The following USP26 variants were observed in gnomAD, a reference collection of about 807,000 sequenced individuals.
USP26 encodes ubiquitin carboxyl-terminal hydrolase 26.
For synonymous variants in USP26, 236 were observed against 240.6 expected (o/e 0.98, Z 0.18); for missense variants, 649 against 642.3 (o/e 1.01, Z -0.11).
At chrX:133,065,033 G>A (rs778207291) in intron 5 of USP26, among the ~76,000 whole-genome samples, 4 of 111,548 alleles carry the variant, frequency 3.6e-5, no homozygotes, top group African/African-American at 6.5e-5. Flanking sequence ...AATAAAAAAC[G>A]ATAAAGGGGG....
At chrX:133,046,922 T>C (rs1602975616) in intron 5 of USP26, among the ~76,000 whole-genome samples, 1 of 112,107 alleles carries the variant, frequency 8.9e-6, no homozygotes, top group African/African-American at 3.2e-5. Context: ...TTTTATGTGA[T>C]GCTAATGGAG....
At position 133,025,944 on chromosome X, in the gene USP26, G is replaced by A. The variant is rs1269765215; in HGVS notation, c.2277C>T (p.Ser759=). 8.3e-7 allele frequency: 1 copy of A among 1,211,555 alleles called. No homozygotes were observed. The highest frequency in any genetic ancestry group is 1.1e-6 in the Non-Finnish European group (1 of 895,468). Residue 759 remains serine (S), a synonymous_variant, in exon 6 of 6, where the codon AGC becomes AGT. Coordinates refer to ENST00000511190, the MANE Select transcript of USP26 (RefSeq NM_031907.3). ...GCCCCTGGGTGCCTGGCTTTGGAAA[G>A]CTTTGAGGCAGTGCCTGCTGAGGGG... ...EQAPQQALPQ[S]FPKPGTQGHT...
chrX:133,071,168 GAT>G (rs1450400740), intron 5 of USP26, among the ~76,000 whole-genome samples: 1 of 111,026 alleles, frequency 9.0e-6, no homozygotes, highest in Non-Finnish European at 1.9e-5. Flanking sequence ...AGTGAGCTGA[GAT>G]TGCACCACTG....
chrX:133,077,879 C>T (rs1255944182), intron 5 of USP26, among the ~76,000 whole-genome samples: 1 of 111,332 alleles, frequency 9.0e-6, no homozygotes, highest in Admixed American at 9.6e-5. Flanking sequence ...ACCAGTAGTT[C>T]TAGACCAGGC....
rs768242548 is a variant in USP26 at position 133,082,577 on chromosome X, T to C, written c.-77+1130A>G. Among the ~76,000 whole-genome samples the C allele has an allele frequency of 6.2e-5, 7 of 112,278 alleles. No homozygotes were observed. In the South Asian group the frequency reaches 2.3e-3, roughly 36 times the overall value. ...TGTGAGTAAACCTCCTGGAGATATT[T>C]GAGTCTCTAAACTCCACACATTTCA... On this transcript the variant is annotated intron_variant, in intron 5 of 5. Transcript: ENST00000511190.
chrX:133,071,542 A>AC (rs2067530543), intron 5 of USP26, among the ~76,000 whole-genome samples: 1 of 111,229 alleles, frequency 9.0e-6, no homozygotes, highest in South Asian at 3.8e-4. Flanking sequence ...CAATTAAAAA[A>AC]AAAAACTTTA....
intron 5 of USP26, among the ~76,000 whole-genome samples, chrX:133,056,136 C>A (rs1009511375): frequency 9.0e-6 from 1 of 111,623 alleles, no homozygotes; most frequent in Admixed American, 9.5e-5. Context: ...ATTAAACACA[C>A]TGCCCATGTA....
intron 5 of USP26, among the ~76,000 whole-genome samples, chrX:133,066,621 G>A (rs1323428766): frequency 1.8e-5 from 2 of 111,998 alleles, no homozygotes; most frequent in African/African-American, 6.5e-5. Flanking sequence ...AAGCAATGGG[G>A]AAAGCATTCC....
chrX:133,069,333 A>C (rs2067523171), intron 5 of USP26, among the ~76,000 whole-genome samples: 1 of 111,871 alleles, frequency 8.9e-6, no homozygotes, highest in South Asian at 3.7e-4. Context: ...GTTAGAGAAC[A>C]AATCTAAGGA....
intron 4 of USP26, among the ~76,000 whole-genome samples, chrX:133,086,173 T>A (rs140148720): frequency 0.014 from 1,532 of 112,340 alleles, 27 homozygotes; most frequent in East Asian, 0.1. Flanking sequence ...TCTATGATAA[T>A]CATACAAATG....
intron 5 of USP26, among the ~76,000 whole-genome samples, chrX:133,080,570 A>T (rs966173268): frequency 2.7e-5 from 3 of 111,074 alleles, no homozygotes; most frequent in African/African-American, 9.8e-5. Context: ...GGAGTTTAAG[A>T]TGCCACCTCT....
intron 5 of USP26, among the ~76,000 whole-genome samples, chrX:133,044,838 G>A (rs957064855): frequency 2.6e-5 from 3 of 113,544 alleles, no homozygotes; most frequent in African/African-American, 6.4e-5. Context: ...AGCCAGCTGG[G>A]CTCCTGAGTC....
chrX:133,082,383 A>G (rs963960871), intron 5 of USP26, among the ~76,000 whole-genome samples: 2 of 111,895 alleles, frequency 1.8e-5, no homozygotes, highest in African/African-American at 3.3e-5. Context: ...CAGACAGACA[A>G]CAAAAGTGGT....
Position 133,025,429 on chromosome X carries a change from T to C in USP26, c.*50A>G. The C allele has an allele frequency of 8.3e-7, 1 of 1,207,706 alleles. No homozygotes were observed. Among genetic ancestry groups the C allele is most frequent in the South Asian group, 1.8e-5 (1 of 56,342 alleles). On this transcript the variant is annotated 3_prime_UTR_variant, in exon 6 of 6. Coordinates refer to ENST00000511190, the MANE Select transcript of USP26 (RefSeq NM_031907.3). ...AGTTTTCCTTCCATGGAGGAAGTGGTATCGAGTGAGACAGTCAGGCAGATC... is the reference window on the plus strand; with the variant it reads ...AGTTTTCCTTCCATGGAGGAAGTGGCATCGAGTGAGACAGTCAGGCAGATC...
intron 5 of USP26, among the ~76,000 whole-genome samples, chrX:133,063,763 C>T (rs775280669): frequency 9.0e-6 from 1 of 111,663 alleles, no homozygotes; most frequent in South Asian, 3.7e-4. Flanking sequence ...CGGTACCAGA[C>T]ACTGCAAAAA....
At chrX:133,073,939 C>T (rs1454685869) in intron 5 of USP26, among the ~76,000 whole-genome samples, 2 of 110,936 alleles carry the variant, frequency 1.8e-5, no homozygotes, top group Non-Finnish European at 3.8e-5. Context: ...AATCATTTCA[C>T]TATAGTTCCA....
At position 133,058,281 on chromosome X, in the gene USP26, A is replaced by T. The variant is rs947058642; in HGVS notation, c.-77+25426T>A. 2.7e-5 allele frequency among the ~76,000 whole-genome samples: 3 copies of T among 110,883 alleles called. No homozygotes were observed. In the Admixed American group the frequency reaches 2.9e-4, roughly 11 times the overall value. ...TGCTACTGTTGTCAAAGTAATCTAT[A>T]AATGTCAATTAGATCAAGTTGATTT... On this transcript the variant is annotated intron_variant, in intron 5 of 5. Transcript: ENST00000511190.
chrX:133,052,871 G>C (rs375687257), intron 5 of USP26, among the ~76,000 whole-genome samples: 5 of 111,584 alleles, frequency 4.5e-5, no homozygotes, highest in African/African-American at 6.5e-5. Context: ...AGATGGGGAG[G>C]GGGGTGAGAG....
chrX:133,076,874 G>C (rs1341892650), intron 5 of USP26, among the ~76,000 whole-genome samples: 2 of 112,166 alleles, frequency 1.8e-5, no homozygotes, highest in Non-Finnish European at 3.8e-5. Context: ...AAGCCATTCA[G>C]ATAAGCCACA....
Sources: allele counts gnomAD v4.1 joint callset (sites outside exome capture counted in the v4.1 genomes callset), GRCh38; gene constraint gnomAD v4.1.1; transcripts MANE v1.5; gene names NCBI Gene and HGNC (gene_info 2026-07-23, HGNC 2026-07-21).